Variants in PDE3A observed in about 807,000 individuals in gnomAD.
PDE3A encodes phosphodiesterase 3A.
Under a neutral mutation model 98.3 loss-of-function variants are expected in PDE3A, and 43 were observed. That is an observed-to-expected ratio of 0.44 (90% confidence interval 0.34 to 0.56). The LOEUF (loss-of-function observed/expected upper bound fraction) is 0.56, where lower values mean the gene tolerates loss of function less well. PDE3A is among the 20% of genes least tolerant of loss of function. The probability of loss-of-function intolerance (pLI) is 0.01; values close to 1 mark genes in which losing one functional copy is unlikely to be tolerated. For synonymous variants in PDE3A, 663 were observed against 567.9 expected (o/e 1.17, Z -2.38); for missense variants, 1,427 against 1,440.7 (o/e 0.99, Z 0.15).
chr12:20,457,851 A>G (rs1345087148), intron 1 of PDE3A, among the ~76,000 whole-genome samples: 6 of 152,182 alleles, frequency 3.9e-5, no homozygotes, highest in African/African-American at 1.4e-4. Context: ...TGTCACATAG[A>G]TTGCCATTTA....
intron 1 of PDE3A, among the ~76,000 whole-genome samples, chr12:20,404,402 A>C (rs1944191643): frequency 6.6e-6 from 1 of 152,136 alleles, no homozygotes; most frequent in Admixed American, 6.6e-5. Flanking sequence ...CTTATGTAGA[A>C]AGCCATATAC....
intron 1 of PDE3A, among the ~76,000 whole-genome samples, chr12:20,539,647 T>C (rs752342274): frequency 3.3e-5 from 5 of 152,034 alleles, no homozygotes; most frequent in African/African-American, 4.8e-5. Context: ...AATGGATAGA[T>C]GGATGGATGG....
intron 1 of PDE3A, among the ~76,000 whole-genome samples, chr12:20,469,451 G>A (rs1184292681): frequency 3.9e-5 from 6 of 152,132 alleles, no homozygotes; most frequent in Admixed American, 3.9e-4. Flanking sequence ...GTCCCAAAGG[G>A]TCTTCTCTTT....
chr12:20,658,243 A>C (rs1418422120), intron 15 of PDE3A, among the ~76,000 whole-genome samples: 1 of 152,232 alleles, frequency 6.6e-6, no homozygotes, highest in Non-Finnish European at 1.5e-5. Flanking sequence ...AAGAATTGAT[A>C]TAAGGGGTCT....
rs374829555 is a variant in PDE3A at position 20,524,621 on chromosome 12, A to G, written c.961-32039A>G. On this transcript the variant is annotated intron_variant, in intron 1 of 15. Coordinates refer to ENST00000359062, the MANE Select transcript of PDE3A (RefSeq NM_000921.5). Reference sequence around the variant, plus strand: ...ATAACATATATAGTATTACATATGCATATCATTTAAAAATATTTTATATAT... The same window carrying G: ...ATAACATATATAGTATTACATATGCGTATCATTTAAAAATATTTTATATAT... 3.0e-4 allele frequency among the ~76,000 whole-genome samples: 45 copies of G among 152,062 alleles called. No homozygotes were observed. The East Asian group carries it at 4.4e-3, about 15-fold the overall frequency.
At position 20,601,228 on chromosome 12, in the gene PDE3A, C is replaced by A. The variant is rs987940169; in HGVS notation, c.1012-12215C>A. 2.8e-5 allele frequency among the ~76,000 whole-genome samples: 4 copies of A among 140,896 alleles called. No homozygotes were observed. In the East Asian group the frequency reaches 8.9e-4, roughly 31 times the overall value. 92.4% of individuals were successfully genotyped at this position (140,896 alleles called of 152,430 possible). On this transcript the variant is annotated intron_variant, in intron 2 of 15. Coordinates refer to ENST00000359062, the MANE Select transcript of PDE3A (RefSeq NM_000921.5). ...TTTCTCAAAAGGTATAGCTCCAAGG[C>A]TTTTTGTTTGTTTGTTTGTTTGTTT...
intron 1 of PDE3A, among the ~76,000 whole-genome samples, chr12:20,427,849 T>C (rs1384653780): frequency 2.0e-5 from 3 of 152,014 alleles, no homozygotes; most frequent in Non-Finnish European, 4.4e-5. Flanking sequence ...GAATATATAA[T>C]ATATTCTGTT....
intron 2 of PDE3A, among the ~76,000 whole-genome samples, chr12:20,563,235 A>C (rs2121291023): frequency 6.6e-6 from 1 of 152,338 alleles, no homozygotes; most frequent in African/African-American, 2.4e-5. Context: ...TGATGCAGTG[A>C]CAGGTCACTT....
chr12:20,498,425 T>G (rs1018447674), intron 1 of PDE3A, among the ~76,000 whole-genome samples: 1 of 152,040 alleles, frequency 6.6e-6, no homozygotes, highest in Non-Finnish European at 1.5e-5. Context: ...GTGCAGACTT[T>G]AAATCATTAT....
rs551321854 is a variant in PDE3A at position 20,589,086 on chromosome 12, A to C, written c.1012-24357A>C. Among the ~76,000 whole-genome samples, 13 of 151,630 alleles carry C rather than the reference A, an allele frequency of 8.6e-5. No homozygotes were observed. In the East Asian group the frequency reaches 2.4e-3, roughly 28 times the overall value. On this transcript the variant is annotated intron_variant, in intron 2 of 15. Transcript: ENST00000359062. ...TACAGGCGCCTGCCACCACGCCCGG[A>C]TAATTTTTAAATATTTTTTAGTAGA...
At chr12:20,462,553 A>C (rs1255289983) in intron 1 of PDE3A, among the ~76,000 whole-genome samples, 1 of 151,832 alleles carries the variant, frequency 6.6e-6, no homozygotes, top group East Asian at 1.9e-4. Flanking sequence ...TCAGTAATAG[A>C]CCCCTTTTAA....
intron 2 of PDE3A, among the ~76,000 whole-genome samples, chr12:20,590,434 A>G (rs1385637601): frequency 6.7e-6 from 1 of 149,778 alleles, no homozygotes; most frequent in Non-Finnish European, 1.5e-5. Context: ...TCAAGGAACG[A>G]GAGACCAACA....
chr12:20,378,289 A>G (rs187941867), intron 1 of PDE3A, among the ~76,000 whole-genome samples: 2 of 151,848 alleles, frequency 1.3e-5, no homozygotes, highest in East Asian at 1.9e-4. Flanking sequence ...TGTCCTCTCC[A>G]TCACCTTTCC....
intron 2 of PDE3A, among the ~76,000 whole-genome samples, chr12:20,582,895 A>ATAGT (rs1943104557): frequency 1.3e-5 from 2 of 152,212 alleles, no homozygotes; most frequent in African/African-American, 4.8e-5. Flanking sequence ...AGAGGGAAAA[A>ATAGT]TAGTTAATTT....
chr12:20,540,536 T>G (rs1016421488), intron 1 of PDE3A, among the ~76,000 whole-genome samples: 2 of 152,122 alleles, frequency 1.3e-5, no homozygotes, highest in Non-Finnish European at 2.9e-5. Flanking sequence ...CATTCCTTCA[T>G]GACAACTTCT....
At chr12:20,582,812 T>G (rs1943101915) in intron 2 of PDE3A, among the ~76,000 whole-genome samples, 1 of 152,206 alleles carries the variant, frequency 6.6e-6, no homozygotes, top group African/African-American at 2.4e-5. Context: ...AGTCAATTTA[T>G]GATGGAGTAT....
intron 1 of PDE3A, among the ~76,000 whole-genome samples, chr12:20,382,605 T>G (rs1943681579): frequency 6.6e-6 from 1 of 151,910 alleles, no homozygotes; most frequent in Non-Finnish European, 1.5e-5. Context: ...GCTATACAAA[T>G]GTTAAATAGA....
chr12:20,599,431 AC>A (rs1447924041), intron 2 of PDE3A, among the ~76,000 whole-genome samples: 25 of 152,008 alleles, frequency 1.6e-4, no homozygotes, highest in African/African-American at 5.8e-4. Context: ...CTCTTTCAAA[AC>A]TTTTCATTCT....
At chr12:20,414,530 T>A (rs747506122) in intron 1 of PDE3A, among the ~76,000 whole-genome samples, 2 of 152,236 alleles carry the variant, frequency 1.3e-5, no homozygotes, top group South Asian at 4.1e-4. Flanking sequence ...TTTGTCTGAA[T>A]TGAATTATAT....
Sources: gnomAD v4.1 joint callset for allele counts (sites outside exome capture counted in the v4.1 genomes callset) on GRCh38, gnomAD v4.1.1 for gene constraint, MANE v1.5 for transcripts, NCBI Gene and HGNC (gene_info 2026-07-23, HGNC 2026-07-21) for gene names.